Variants in USP24 observed in about 807,000 individuals in gnomAD.
USP24 encodes ubiquitin carboxyl-terminal hydrolase 24.
USP24 carries 97 observed loss-of-function variants against 361.6 expected under a neutral mutation model. That is an observed-to-expected ratio of 0.27 (90% CI 0.23 to 0.32). The LOEUF (loss-of-function observed/expected upper bound fraction) is 0.32, where lower values mean the gene tolerates loss of function less well. USP24 is among the 10% of genes least tolerant of loss of function. The pLI is 1.00. For missense variants in USP24, 2,353 were observed against 3,165.6 expected, an observed-to-expected ratio of 0.74 and a Z score of 6.16; for synonymous variants, 1,098 against 1,124.6, an observed-to-expected ratio of 0.98 and a Z score of 0.47.
In USP24 at chr1:55,123,613, G is replaced by A. The variant is rs1225378750; in HGVS notation, c.4121-11C>T. 6.3e-7 allele frequency: 1 copy of A among 1,581,028 alleles called. No individual in the cohort carries two copies. ...AGCTGCAATTGCTTCCTGAAAACAGGTAAGCAGAAATTTACTGTGGATCCT... is the reference window on the plus strand; with the variant it reads ...AGCTGCAATTGCTTCCTGAAAACAGATAAGCAGAAATTTACTGTGGATCCT... On this transcript the variant is annotated splice_polypyrimidine_tract_variant and intron_variant, in intron 35 of 67. Transcript: ENST00000294383.
chr1:55,077,420 CTG>C, intron 61 of USP24, 120 bp from the exon 62 acceptor site: 1 of 741,254 alleles, frequency 1.3e-6, no homozygotes, highest in South Asian at 3.1e-5. Flanking sequence ...CAAGTCAATA[CTG>C]CTTTCTAGGC....
At chr1:55,071,352 T>G (rs766792346) in intron 67 of USP24, 39 of 992,316 alleles carry the variant, frequency 3.9e-5, no homozygotes, top group Non-Finnish European at 4.6e-5. Flanking sequence ...TGTTTTTTTT[T>G]CTTTTTTTAA....
chr1:55,069,994 G>A (rs1644888151), intron 67 of USP24, among the ~76,000 whole-genome samples: 1 of 151,882 alleles, frequency 6.6e-6, no homozygotes, highest in South Asian at 2.1e-4. Flanking sequence ...GCCTTTGAAA[G>A]GTTTTAGTGC....
intron 1 of USP24, among the ~76,000 whole-genome samples, chr1:55,197,245 C>T (rs904909978): frequency 5.9e-5 from 9 of 152,164 alleles, no homozygotes; most frequent in Non-Finnish European, 1.2e-4. Flanking sequence ...ATACCCCCTA[C>T]CCACTGCTGT....
chr1:55,145,951 T>A (rs1236760539), intron 20 of USP24, 47 bp downstream of exon 20: 1 of 1,321,138 alleles, frequency 7.6e-7, no homozygotes, highest in East Asian at 2.3e-5. Flanking sequence ...AGAATAACAC[T>A]TCTTACTTAA....
intron 55 of USP24, 121 bp from the exon 56 acceptor site, chr1:55,086,159 G>A (rs902774799): frequency 2.2e-5 from 19 of 879,618 alleles, no homozygotes; most frequent in African/African-American, 6.7e-5. Context: ...CAGTGTTAGC[G>A]CTTATGGGCC....
chr1:55,083,401 T>C, intron 57 of USP24, 37 bp from the exon 58 acceptor site: 1 of 1,602,678 alleles, frequency 6.2e-7, no homozygotes, highest in Admixed American at 1.7e-5. Context: ...ATTATATTTC[T>C]ATCCAGACAA....
At chr1:55,163,281 G>A (rs766990971) in intron 7 of USP24, among the ~76,000 whole-genome samples, 8 of 151,830 alleles carry the variant, frequency 5.3e-5, no homozygotes, top group South Asian at 2.1e-4. Flanking sequence ...ATTTGACTAC[G>A]TAAAAGTCTG....
chr1:55,129,956 C>G (rs1313184829), intron 31 of USP24, among the ~76,000 whole-genome samples: 1 of 152,140 alleles, frequency 6.6e-6, no homozygotes, highest in Non-Finnish European at 1.5e-5. Context: ...AGATGAGTTT[C>G]CCAACAATAA....
intron 1 of USP24, among the ~76,000 whole-genome samples, chr1:55,199,078 C>T (rs1390283948): frequency 6.6e-6 from 1 of 152,172 alleles, no homozygotes. Flanking sequence ...TCACTTGAGG[C>T]CAGGAGTTTG....
At chr1:55,197,835 ATAAC>A (rs1453716429) in intron 1 of USP24, among the ~76,000 whole-genome samples, 12 of 152,214 alleles carry the variant, frequency 7.9e-5, no homozygotes, top group Admixed American at 7.8e-4. Context: ...CTATCTCCAC[ATAAC>A]TTTGACTAAT....
chr1:55,079,701 G>C, intron 59 of USP24, 42 bp from the exon 60 acceptor site: 1 of 1,500,538 alleles, frequency 6.7e-7, no homozygotes, highest in Non-Finnish European at 8.8e-7. Context: ...TGTCTCACCT[G>C]GTGTTACTCC....
chr1:55,162,507 G>T (rs1557655095), intron 7 of USP24, among the ~76,000 whole-genome samples: 1 of 152,080 alleles, frequency 6.6e-6, no homozygotes, highest in Non-Finnish European at 1.5e-5. Flanking sequence ...AACATCTTTG[G>T]AGAATTAGAT....
chr1:55,191,113 T>C (rs764195524), intron 1 of USP24, among the ~76,000 whole-genome samples: 3 of 152,234 alleles, frequency 2.0e-5, no homozygotes, highest in East Asian at 1.9e-4. Flanking sequence ...CCAACAATTA[T>C]TGAATGTCAC....
At chr1:55,146,835 A>G (rs1647041704) in intron 19 of USP24, 94 bp downstream of exon 19, 5 of 1,487,628 alleles carry the variant, frequency 3.4e-6, no homozygotes, top group Non-Finnish European at 4.6e-6. Flanking sequence ...ATGCTTATAT[A>G]AACTGAAAAG....
chr1:55,125,186 TTTTTA>T lies in USP24; in HGVS notation c.3960+129_3960+133del, dbSNP rs1646392160. 4 of 806,248 alleles carry T rather than the reference TTTTTA, an allele frequency of 5.0e-6. No individual in the cohort carries two copies. The East Asian group carries it at 1.1e-4, about 21-fold the overall frequency. 49.9% of individuals were successfully genotyped at this position (806,248 alleles called of 1,614,324 possible). ...TAGTTATTTCTACCCTAGCGATCTCTTTTTAAGTCACCATAAATTTCTTGAAGGCA... is the reference window on the plus strand; with the variant it reads ...TAGTTATTTCTACCCTAGCGATCTCTAGTCACCATAAATTTCTTGAAGGCA... On this transcript the variant is annotated intron_variant, in intron 34 of 67. Transcript: ENST00000294383.
rs1356524260 is a variant in USP24, at chr1:55,082,657, G to A, written c.6975+615C>T. Among the ~76,000 whole-genome samples, 16 of 152,116 alleles carry A rather than the reference G, an allele frequency of 1.1e-4. 1 individual carries two copies. Among genetic ancestry groups the A allele is most frequent in the Non-Finnish European group, 2.2e-4 (15 of 68,026 alleles). On this transcript the variant is annotated intron_variant, in intron 58 of 67. Transcript: ENST00000294383. The stretch of plus-strand genomic sequence containing the variant: ...CAAAGTTAGCCAGGCACGGTGGCAT[G>A]TGCCTATAGTCCCAGCTACCAGGGG...
intron 1 of USP24, among the ~76,000 whole-genome samples, chr1:55,214,198 A>G (rs1389639476): frequency 6.6e-6 from 1 of 150,626 alleles, no homozygotes; most frequent in African/African-American, 2.4e-5. Context: ...ATCCTACTCA[A>G]TGCCCCCCCT....
At chr1:55,110,060 C>T in intron 39 of USP24, 125 bp downstream of exon 39, 3 of 763,886 alleles carry the variant, frequency 3.9e-6, no homozygotes, top group East Asian at 3.1e-5. Flanking sequence ...AAACAAGGTT[C>T]AACTTCAAAC....
Sources: allele counts gnomAD v4.1 joint callset (sites outside exome capture counted in the v4.1 genomes callset), GRCh38; gene constraint gnomAD v4.1.1; transcripts MANE v1.5; gene names NCBI Gene and HGNC (gene_info 2026-07-23, HGNC 2026-07-21).